The following SORCS2 variants were observed in gnomAD, a reference collection of about 807,000 sequenced individuals.
SORCS2 encodes the protein VPS10 domain-containing receptor SorCS2.
A neutral mutation model predicts 141.6 loss-of-function variants in SORCS2; 100 were observed. The observed-to-expected ratio is 0.71, with a 90% confidence interval of 0.60 to 0.83. The LOEUF (loss-of-function observed/expected upper bound fraction) is 0.83. Among genes scored for constraint, SORCS2 ranks in the 40% least tolerant of loss-of-function variants. The pLI, the probability that SORCS2 is intolerant of heterozygous loss-of-function variation, is 0.00. For synonymous variants in SORCS2, 789 were observed against 676.9 expected (o/e 1.17, Z -2.57); for missense variants, 1,646 against 1,560.2 (o/e 1.05, Z -0.93).
intron 2 of SORCS2, among the ~76,000 whole-genome samples, chr4:7,520,984 A>G (rs1029802004): frequency 1.3e-5 from 2 of 152,238 alleles, no homozygotes; most frequent in African/African-American, 4.8e-5. Context: ...CTCAGAGAAG[A>G]CAAGCCTGGA....
rs180973225 is a variant in SORCS2, at chr4:7,288,575, G to A, written c.480+95449G>A. Among the ~76,000 whole-genome samples, 142 of 132,770 alleles carry A rather than the reference G, an allele frequency of 1.1e-3. 5 individuals carry two copies. The East Asian group carries it at 0.03, about 28-fold the overall frequency. The allele number at this position is 132,770 out of a possible 152,430, so 87.1% of individuals were successfully genotyped here. A position where few individuals can be genotyped will look rare whatever the true frequency, so the allele number is the denominator to read the frequency against. On this transcript the variant is annotated intron_variant, in intron 1 of 26. Coordinates refer to ENST00000507866, the MANE Select transcript of SORCS2 (RefSeq NM_020777.3). ...CGGGGGGCGGGGGGCGGGGGGAGAG[G>A]GGGTGGGAGGAGGAGAAGAGAGAGG...
chr4:7,525,766 C>T (rs1277139115), intron 2 of SORCS2, among the ~76,000 whole-genome samples: 1 of 102,446 alleles, frequency 9.8e-6, no homozygotes, highest in Non-Finnish European at 2.0e-5. Flanking sequence ...CCTGCAATCA[C>T]CTGTCCCCTC....
intron 3 of SORCS2, among the ~76,000 whole-genome samples, chr4:7,603,797 G>T (rs1473589062): frequency 1.3e-5 from 2 of 152,140 alleles, no homozygotes; most frequent in Non-Finnish European, 2.9e-5. Context: ...GGTCACACCT[G>T]TGCTCCTCTG....
chr4:7,636,310 C>CTCCT (rs1720251352), intron 3 of SORCS2, among the ~76,000 whole-genome samples: 1 of 152,224 alleles, frequency 6.6e-6, no homozygotes. Context: ...CTGCCTCACC[C>CTCCT]GCATCTCTGC....
intron 2 of SORCS2, among the ~76,000 whole-genome samples, chr4:7,524,259 G>T (rs1462487718): frequency 6.6e-6 from 1 of 152,192 alleles, no homozygotes; most frequent in East Asian, 1.9e-4. Flanking sequence ...GCAGAGAGTG[G>T]CGCAATGCAG....
chr4:7,561,567 C>T (rs987321666), intron 3 of SORCS2, among the ~76,000 whole-genome samples: 3 of 147,542 alleles, frequency 2.0e-5, no homozygotes, highest in Non-Finnish European at 4.5e-5. Flanking sequence ...TATTCATCTA[C>T]CTACCAATCC....
chr4:7,741,583 T>G lies in SORCS2; in HGVS notation c.*1319T>G. On this transcript the variant is annotated 3_prime_UTR_variant, in exon 27 of 27. Transcript: ENST00000507866. The stretch of plus-strand genomic sequence containing the variant: ...TCAGAGGGGGAGAACGCCAGAGCCC[T>G]GGCTGGTGATGTGCTGGCTGGGGGT... The G allele has an allele frequency of 4.4e-6, 1 of 225,112 alleles. No individual in the cohort carries two copies. The allele number at this position is 225,112 out of a possible 1,614,324, so 13.9% of individuals were successfully genotyped here.
At chr4:7,534,957 C>T (rs377115468) in intron 3 of SORCS2, among the ~76,000 whole-genome samples, 2 of 152,194 alleles carry the variant, frequency 1.3e-5, no homozygotes, top group Non-Finnish European at 2.9e-5. Context: ...GGCCGAGGCT[C>T]CTGCTCTCCC....
At chr4:7,572,916 GACA>G (rs909776121) in intron 3 of SORCS2, among the ~76,000 whole-genome samples, 7 of 152,272 alleles carry the variant, frequency 4.6e-5, no homozygotes, top group Admixed American at 1.3e-4. Flanking sequence ...ATAAGCGACG[GACA>G]ACATTTCATA....
At chr4:7,484,320 T>C (rs540100186) in intron 2 of SORCS2, among the ~76,000 whole-genome samples, 16 of 152,330 alleles carry the variant, frequency 1.1e-4, no homozygotes, top group African/African-American at 3.6e-4. Context: ...TCACCCGACT[T>C]TTACATTTTC....
At chr4:7,521,546 C>A (rs744356) in intron 2 of SORCS2, among the ~76,000 whole-genome samples, 1 of 152,044 alleles carries the variant, frequency 6.6e-6, no homozygotes, top group Non-Finnish European at 1.5e-5. Flanking sequence ...GGTACCTCTT[C>A]GCGGGTTCTG....
chr4:7,740,375 G>A lies in SORCS2; in HGVS notation c.*111G>A, dbSNP rs376632770. 1.6e-4 allele frequency: 153 copies of A among 982,220 alleles called. No individual in the cohort carries two copies. In the African/African-American group the frequency reaches 1.8e-3, roughly 12 times the overall value. 60.8% of individuals were successfully genotyped at this position (982,220 alleles called of 1,614,324 possible). On this transcript the variant is annotated 3_prime_UTR_variant, in exon 27 of 27. Transcript: ENST00000507866. ...CTGCGGAAAGCCCCCTCCCTGAGTC[G>A]TCGCCACACCAGGCGACAGGCACCA...
At chr4:7,493,818 C>A (rs1731448527) in intron 2 of SORCS2, among the ~76,000 whole-genome samples, 1 of 152,222 alleles carries the variant, frequency 6.6e-6, no homozygotes, top group South Asian at 2.1e-4. Flanking sequence ...TTTTTAAAAA[C>A]ATTCCTTTTT....
At chr4:7,703,444 A>G in intron 13 of SORCS2, 73 bp downstream of exon 13, 1 of 1,235,136 alleles carries the variant, frequency 8.1e-7, no homozygotes, top group South Asian at 1.4e-5. Flanking sequence ...GAACCCTCTC[A>G]GACTAGTCCC....
chr4:7,726,721 G>C (rs529561649), intron 20 of SORCS2, 59 bp from the exon 21 acceptor site: 5 of 1,585,254 alleles, frequency 3.2e-6, no homozygotes, highest in Admixed American at 1.7e-5. Flanking sequence ...ATAGGCCAGC[G>C]TCCCCCACGG....
intron 1 of SORCS2, among the ~76,000 whole-genome samples, chr4:7,391,122 C>T (rs1403912682): frequency 6.6e-6 from 1 of 152,230 alleles, no homozygotes; most frequent in Non-Finnish European, 1.5e-5. Context: ...CCTGGCCACC[C>T]TGCATCACAC....
At chr4:7,371,204 C>G (rs192505159) in intron 1 of SORCS2, among the ~76,000 whole-genome samples, 52 of 152,320 alleles carry the variant, frequency 3.4e-4, no homozygotes, top group Non-Finnish European at 3.2e-4. Flanking sequence ...CTGCGAAGGT[C>G]TATGGGGATC....
chr4:7,618,205 C>T (rs904191668), intron 3 of SORCS2, among the ~76,000 whole-genome samples: 2 of 152,106 alleles, frequency 1.3e-5, no homozygotes, highest in Non-Finnish European at 2.9e-5. Context: ...TCCCCCTTCA[C>T]GCTAAAAACT....
intron 3 of SORCS2, among the ~76,000 whole-genome samples, chr4:7,557,581 T>C (rs1378812729): frequency 6.6e-6 from 1 of 152,246 alleles, no homozygotes; most frequent in African/African-American, 2.4e-5. Flanking sequence ...GACTAGATTC[T>C]GTTATCATAG....
Sources: allele counts gnomAD v4.1 joint callset (sites outside exome capture counted in the v4.1 genomes callset), GRCh38; gene constraint gnomAD v4.1.1; transcripts MANE v1.5; gene names NCBI Gene and HGNC (gene_info 2026-07-23, HGNC 2026-07-21).